Variants in NWD2 observed in about 807,000 individuals in gnomAD.
NWD2 encodes NACHT and WD repeat domain containing 2.
NWD2 carries 37 observed loss-of-function variants against 132.7 expected under a neutral mutation model. The observed-to-expected ratio is 0.28, with a 90% CI of 0.21 to 0.37. The LOEUF is 0.37. NWD2 is among the 10% of genes least tolerant of loss of function. The probability of loss-of-function intolerance (pLI) is 1.00; values close to 1 mark genes in which losing one functional copy is unlikely to be tolerated. For synonymous variants in NWD2, 705 were observed against 803.0 expected, an observed-to-expected ratio of 0.88 and a Z score of 2.06; for missense variants, 1,592 against 2,122.4, an observed-to-expected ratio of 0.75 and a Z score of 4.91.
Position 37,268,054 on chromosome 4 carries a change from G to A in NWD2, c.151+22836G>A, listed in dbSNP as rs537939402. On this transcript the variant is annotated intron_variant, in intron 1 of 6. Coordinates refer to ENST00000309447, the MANE Select transcript of NWD2 (RefSeq NM_001144990.2). ...TACAAAGAAAATAGATTTGTATTTG[G>A]AAGACAATTTTCATGCTTTCTTCTC... 7.9e-5 allele frequency among the ~76,000 whole-genome samples: 12 copies of A among 151,924 alleles called. 1 individual carries two copies. The highest frequency in any genetic ancestry group is 2.9e-4 in the African/African-American group (12 of 41,492).
chr4:37,287,578 G>A (rs1221464570), intron 1 of NWD2, among the ~76,000 whole-genome samples: 1 of 152,180 alleles, frequency 6.6e-6, no homozygotes, highest in African/African-American at 2.4e-5. Flanking sequence ...TCCACACTGG[G>A]TAGGGCTTCC....
chr4:37,432,364 G>GA (rs71185140), intron 4 of NWD2, among the ~76,000 whole-genome samples: 3,683 of 138,536 alleles, frequency 0.027, 93 homozygotes, highest in African/African-American at 0.064. Context: ...GGGTGAAGAA[G>GA]AAAAAAAAAA....
At chr4:37,388,384 A>ATG (rs1720610765) in intron 3 of NWD2, among the ~76,000 whole-genome samples, 1 of 151,940 alleles carries the variant, frequency 6.6e-6, no homozygotes. Context: ...GGGTTTCACC[A>ATG]TGTTGGCCAG....
intron 2 of NWD2, among the ~76,000 whole-genome samples, chr4:37,327,370 A>G (rs1719195115): frequency 1.3e-5 from 2 of 152,188 alleles, no homozygotes; most frequent in South Asian, 4.1e-4. Context: ...CAGAAGATGG[A>G]TACAGGCAAA....
At chr4:37,270,924 G>A (rs1717859410) in intron 1 of NWD2, among the ~76,000 whole-genome samples, 1 of 151,598 alleles carries the variant, frequency 6.6e-6, no homozygotes, top group African/African-American at 2.4e-5. Context: ...TTTTGCATGT[G>A]GTAAAAGACA....
chr4:37,366,333 G>A (rs2109304020), intron 3 of NWD2, among the ~76,000 whole-genome samples: 1 of 152,222 alleles, frequency 6.6e-6, no homozygotes, highest in East Asian at 1.9e-4. Context: ...GCCCAGTTCA[G>A]TTACTAATGG....
chr4:37,360,758 A>G (rs1460984818), intron 3 of NWD2, among the ~76,000 whole-genome samples: 1 of 152,228 alleles, frequency 6.6e-6, no homozygotes, highest in Non-Finnish European at 1.5e-5. Context: ...AGCAGAGGTC[A>G]TATGATGCTA....
chr4:37,306,988 C>T (rs551196670), intron 1 of NWD2, among the ~76,000 whole-genome samples: 2 of 150,318 alleles, frequency 1.3e-5, no homozygotes, highest in African/African-American at 4.9e-5. Context: ...TGCGCCACTG[C>T]ACTCCAGCCT....
chr4:37,330,395 GAGA>G (rs1199551665), intron 2 of NWD2, among the ~76,000 whole-genome samples: 1 of 152,138 alleles, frequency 6.6e-6, no homozygotes, highest in Admixed American at 6.5e-5. Flanking sequence ...TCCAGCTACA[GAGA>G]AGGGGATAGA....
intron 1 of NWD2, among the ~76,000 whole-genome samples, chr4:37,318,226 C>T (rs985546724): frequency 5.9e-5 from 9 of 151,774 alleles, no homozygotes; most frequent in Non-Finnish European, 1.0e-4. Context: ...GGGGTTTCAC[C>T]ATGTTGGCCA....
intron 3 of NWD2, among the ~76,000 whole-genome samples, chr4:37,429,971 TA>T (rs11288536): frequency 0.46 from 70,658 of 152,040 alleles, 17,099 homozygotes; most frequent in South Asian, 0.57. Context: ...CACCTTGACA[TA>T]AAGGCTGAGT....
At chr4:37,335,334 A>T (rs897786202) in intron 2 of NWD2, among the ~76,000 whole-genome samples, 1 of 150,356 alleles carries the variant, frequency 6.7e-6, no homozygotes, top group Non-Finnish European at 1.5e-5. Context: ...TCCCAGGCAA[A>T]TGAGTAGAAA....
At chr4:37,431,051 G>T (rs1050491953) in intron 4 of NWD2, among the ~76,000 whole-genome samples, 17 of 152,156 alleles carry the variant, frequency 1.1e-4, no homozygotes, top group Admixed American at 6.5e-5. Context: ...AAGGAACCCT[G>T]TTACACTGTT....
At chr4:37,312,420 GCT>G (rs1718865303) in intron 1 of NWD2, among the ~76,000 whole-genome samples, 1 of 150,748 alleles carries the variant, frequency 6.6e-6, no homozygotes. Flanking sequence ...TCATGATTTG[GCT>G]CTCTGTTTGT....
At chr4:37,430,435 T>C in intron 3 of NWD2, 137 bp from the exon 4 acceptor site, 6 of 660,752 alleles carry the variant, frequency 9.1e-6, no homozygotes, top group Non-Finnish European at 1.5e-5. Flanking sequence ...CTATCCACTG[T>C]GACCAAAAGA....
chr4:37,343,774 T>C (rs557629492), intron 2 of NWD2, among the ~76,000 whole-genome samples: 1 of 152,316 alleles, frequency 6.6e-6, no homozygotes, highest in East Asian at 1.9e-4. Context: ...GAATTCAAAT[T>C]TGACTCTCTC....
chr4:37,369,741 T>TA (rs1720177973), intron 3 of NWD2, among the ~76,000 whole-genome samples: 1 of 152,160 alleles, frequency 6.6e-6, no homozygotes, highest in Non-Finnish European at 1.5e-5. Context: ...GGGGTCAAAG[T>TA]AGGTATTTTC....
chr4:37,272,055 T>G (rs996290748), intron 1 of NWD2, among the ~76,000 whole-genome samples: 5 of 151,736 alleles, frequency 3.3e-5, no homozygotes, highest in African/African-American at 7.3e-5. Context: ...TGATTGGAAA[T>G]GATTATATGT....
In NWD2 at chr4:37,446,573, G is replaced by T. The variant is rs1712642208; in HGVS notation, c.4585G>T (p.Asp1529Tyr). Residue 1529 changes from aspartate (D) to tyrosine (Y), a missense_variant, in exon 7 of 7, where the codon GAC becomes TAC. Transcript: ENST00000309447. The surrounding 1 kb of genome is among the most constrained non-coding windows in gnomAD (Gnocchi z 6.7). ...LPNNFLKNLE[D>Y]FEISPNGKLG... is the part of the protein sequence containing the mutation. ...AAACAACTTCTTGAAAAATCTGGAG[G>T]ACTTTGAAATTTCTCCCAATGGAAA... The T allele has an allele frequency of 6.4e-7, 1 of 1,551,580 alleles. No homozygotes were observed. Among genetic ancestry groups the T allele is most frequent in the African/African-American group, 1.4e-5 (1 of 73,026 alleles).
Sources: gnomAD v4.1 joint callset for allele counts (sites outside exome capture counted in the v4.1 genomes callset) on GRCh38, gnomAD v4.1.1 for gene constraint, Gnocchi (gnomAD v3.1) non-coding constraint, MANE v1.5 for transcripts, NCBI Gene and HGNC (gene_info 2026-07-23, HGNC 2026-07-21) for gene names.